The following TSPAN9 variants were observed in gnomAD, a reference collection of about 807,000 sequenced individuals.
The protein encoded by TSPAN9 is tetraspanin 9.
TSPAN9 carries 16 observed loss-of-function variants against 31.0 expected under a neutral mutation model. The observed-to-expected ratio is 0.52, with a 90% CI of 0.35 to 0.78. The LOEUF (loss-of-function observed/expected upper bound fraction) is 0.78, where lower values mean the gene tolerates loss of function less well. TSPAN9 is among the 30% of genes least tolerant of loss of function. The pLI is 0.01. For missense variants in TSPAN9, 272 were observed against 312.5 expected, an observed-to-expected ratio of 0.87 and a Z score of 0.98; for synonymous variants, 145 against 121.6, an observed-to-expected ratio of 1.19 and a Z score of -1.27.
intron 3 of TSPAN9, chr12:3,211,667 T>G: frequency 6.6e-7 from 1 of 1,509,274 alleles, no homozygotes. Context: ...GTGCTTTTAG[T>G]GCTGCTTCCT....
At chr12:3,180,198 G>A (rs562354157) in intron 2 of TSPAN9, among the ~76,000 whole-genome samples, 73 of 152,256 alleles carry the variant, frequency 4.8e-4, no homozygotes, top group African/African-American at 1.7e-3. Context: ...GATACCTTCT[G>A]GTGTTTTCTG....
intron 3 of TSPAN9, among the ~76,000 whole-genome samples, chr12:3,232,357 C>A (rs2098391185): frequency 6.6e-6 from 1 of 151,674 alleles, no homozygotes; most frequent in African/African-American, 2.4e-5. Flanking sequence ...TAATTTTTTA[C>A]CCCACTAAGA....
rs532885980 is a variant in TSPAN9 at position 3,218,933 on chromosome 12, G to A, written c.63+17677G>A. On this transcript the variant is annotated intron_variant, in intron 3 of 8. Coordinates refer to ENST00000011898, the MANE Select transcript of TSPAN9 (RefSeq NM_006675.5). ...GCCCCCCAAAGAGAGGTCAGAGGTCGCAGAAAACCATGGTGGACATGTCAG... is the reference window on the plus strand; with the variant it reads ...GCCCCCCAAAGAGAGGTCAGAGGTCACAGAAAACCATGGTGGACATGTCAG... Among the ~76,000 whole-genome samples, 19 of 152,262 alleles carry A rather than the reference G, an allele frequency of 1.2e-4. 1 individual carries two copies. In the Middle Eastern group the frequency reaches 0.01, roughly 82 times the overall value.
intron 3 of TSPAN9, among the ~76,000 whole-genome samples, chr12:3,217,557 G>A (rs1208906686): frequency 1.3e-5 from 2 of 152,194 alleles, no homozygotes; most frequent in African/African-American, 4.8e-5. Flanking sequence ...TTCTTGGAGA[G>A]GAGGAAGTTG....
intron 3 of TSPAN9, among the ~76,000 whole-genome samples, chr12:3,201,637 G>A (rs2098371889): frequency 6.6e-6 from 1 of 152,222 alleles, no homozygotes. Context: ...TTGGAGATAG[G>A]CACAAGTGAG....
chr12:3,266,080 G>T lies in TSPAN9; in HGVS notation c.64-12341G>T, dbSNP rs543131545. 2.8e-4 allele frequency among the ~76,000 whole-genome samples: 42 copies of T among 152,112 alleles called. No homozygotes were observed. The South Asian group carries it at 4.8e-3, about 17-fold the overall frequency. ...ACTACTTCTTCATCCCGTCCTCCTC[G>T]GCTACAAGGAGCACTCCAGGCCCAG... is the stretch of plus-strand genomic sequence containing the variant. On this transcript the variant is annotated intron_variant, in intron 3 of 8. Coordinates refer to ENST00000011898, the MANE Select transcript of TSPAN9 (RefSeq NM_006675.5).
intron 1 of TSPAN9, among the ~76,000 whole-genome samples, chr12:3,079,279 A>T (rs989897046): frequency 6.6e-5 from 10 of 151,522 alleles, no homozygotes; most frequent in African/African-American, 2.2e-4. Context: ...GCATTGGCTG[A>T]AGTTTGTTAC....
chr12:3,226,644 T>TTATA (rs367907940), intron 3 of TSPAN9, among the ~76,000 whole-genome samples: 9 of 3,716 alleles, frequency 2.4e-3, no homozygotes, highest in Admixed American at 0.017. Context: ...TAAAAAAATT[T>TTATA]TATATATATG....
intron 2 of TSPAN9, among the ~76,000 whole-genome samples, chr12:3,114,753 G>T (rs899989547): frequency 1.3e-5 from 2 of 149,454 alleles, no homozygotes; most frequent in African/African-American, 4.9e-5. Flanking sequence ...TGAGGCAGGA[G>T]AATCGCTTGA....
At chr12:3,154,362 G>A (rs1442391362) in intron 2 of TSPAN9, among the ~76,000 whole-genome samples, 4 of 152,134 alleles carry the variant, frequency 2.6e-5, no homozygotes, top group South Asian at 2.1e-4. Flanking sequence ...TAGATTTTGC[G>A]TATGTTGCTT....
chr12:3,161,789 A>G (rs886105418), intron 2 of TSPAN9, among the ~76,000 whole-genome samples: 1 of 150,646 alleles, frequency 6.6e-6, no homozygotes, highest in South Asian at 2.1e-4. Flanking sequence ...CTATCTATCT[A>G]TCTATCTATC....
chr12:3,083,199 T>C (rs1369956781), intron 1 of TSPAN9, among the ~76,000 whole-genome samples: 1 of 152,226 alleles, frequency 6.6e-6, no homozygotes, highest in Admixed American at 6.5e-5. Flanking sequence ...GGTGGCCCTT[T>C]CCTTTATATT....
rs539189236 is a variant in TSPAN9 at position 3,192,460 on chromosome 12, G to C, written c.-17-8717G>C. Among the ~76,000 whole-genome samples, 1 of 152,276 alleles carries C rather than the reference G, an allele frequency of 6.6e-6. No individual in the cohort carries two copies. Among genetic ancestry groups the C allele is most frequent in the East Asian group, 1.9e-4 (1 of 5,180 alleles). On this transcript the variant is annotated intron_variant, in intron 2 of 8. Transcript: ENST00000011898. This position sits in a 1 kb window ranked among gnomAD's most constrained non-coding sequence, Gnocchi z 4.6. ...TGCGGCTTGGACTTGTGTTTGCTTC[G>C]AGGTGGGAGCAAGTGACAACCGGGA...
intron 3 of TSPAN9, chr12:3,215,351 C>G (rs2098380845): frequency 6.6e-6 from 1 of 152,194 alleles, no homozygotes; most frequent in Admixed American, 6.5e-5. Flanking sequence ...TTCAGCTTCT[C>G]CTCGGTAAGG....
intron 3 of TSPAN9, chr12:3,206,284 CT>C (rs771524297): frequency 6.6e-6 from 3 of 455,894 alleles, no homozygotes; most frequent in Non-Finnish European, 1.3e-5. Context: ...GCACAGGATC[CT>C]CCAGTTGGTG....
intron 3 of TSPAN9, among the ~76,000 whole-genome samples, chr12:3,253,994 G>C (rs902212044): frequency 6.6e-6 from 1 of 152,206 alleles, no homozygotes; most frequent in African/African-American, 2.4e-5. Context: ...GGGAGTGGAG[G>C]GATAAGGATG....
chr12:3,207,378 C>T (rs1289122101), intron 3 of TSPAN9, among the ~76,000 whole-genome samples: 2 of 152,158 alleles, frequency 1.3e-5, no homozygotes, highest in Non-Finnish European at 2.9e-5. Context: ...ACCCATCGGG[C>T]AGAGTTAAGT....
intron 2 of TSPAN9, among the ~76,000 whole-genome samples, chr12:3,185,605 T>A (rs1044956460): frequency 3.3e-5 from 5 of 152,166 alleles, no homozygotes; most frequent in African/African-American, 1.2e-4. Context: ...CTTCCCTACC[T>A]CCACCCCGGC....
chr12:3,185,706 G>C (rs912900131), intron 2 of TSPAN9, among the ~76,000 whole-genome samples: 1 of 152,218 alleles, frequency 6.6e-6, no homozygotes, highest in African/African-American at 2.4e-5. Flanking sequence ...TGGGGAGCCC[G>C]CCTGAGGCCT....
Sources: gnomAD v4.1 joint callset for allele counts (sites outside exome capture counted in the v4.1 genomes callset) on GRCh38, gnomAD v4.1.1 for gene constraint, Gnocchi (gnomAD v3.1) non-coding constraint, MANE v1.5 for transcripts, NCBI Gene and HGNC (gene_info 2026-07-23, HGNC 2026-07-21) for gene names.